Variants in MARCHF1 observed in about 807,000 individuals in gnomAD.
The protein encoded by MARCHF1 is membrane associated ring-CH-type finger 1.
A neutral mutation model predicts 54.2 loss-of-function variants in MARCHF1; 40 were observed. The ratio of observed to expected loss-of-function variants is 0.74; its 90% CI spans 0.57 to 0.96. The LOEUF (loss-of-function observed/expected upper bound fraction) is 0.96, where lower values mean the gene tolerates loss of function less well. Ranked by LOEUF, MARCHF1 falls within the 40% of genes least tolerant of loss-of-function variation. The pLI is 0.00. For missense variants in MARCHF1, 586 were observed against 656.5 expected (o/e 0.89, Z 1.17); for synonymous variants, 236 against 236.3 (o/e 1.00, Z 0.01).
At chr4:164,289,136 A>G (rs535483742) in intron 1 of MARCHF1, among the ~76,000 whole-genome samples, 1 of 152,130 alleles carries the variant, frequency 6.6e-6, no homozygotes, top group African/African-American at 2.4e-5. Flanking sequence ...TCATTAGTTT[A>G]CCATATATAT....
chr4:164,153,467 G>T (rs1027732040), intron 1 of MARCHF1, among the ~76,000 whole-genome samples: 3 of 151,946 alleles, frequency 2.0e-5, no homozygotes, highest in African/African-American at 7.2e-5. Context: ...TTGAAAATTA[G>T]CCAGACTGTC....
At chr4:164,266,691 A>T (rs1377459527) in intron 1 of MARCHF1, among the ~76,000 whole-genome samples, 5 of 152,200 alleles carry the variant, frequency 3.3e-5, no homozygotes, top group African/African-American at 1.2e-4. Context: ...TTTCAGGAGA[A>T]ATCTTGCATA....
intron 1 of MARCHF1, among the ~76,000 whole-genome samples, chr4:164,219,367 G>A (rs1560959271): frequency 6.6e-6 from 1 of 152,030 alleles, no homozygotes; most frequent in Non-Finnish European, 1.5e-5. Context: ...AAGTTCAGAT[G>A]TTATTTTTCA....
intron 7 of MARCHF1, among the ~76,000 whole-genome samples, chr4:163,599,149 C>T (rs962783568): frequency 1.4e-4 from 21 of 152,046 alleles, no homozygotes; most frequent in Admixed American, 3.9e-4. Flanking sequence ...ATTAGCTGGG[C>T]GTGGTGGCGG....
At chr4:164,299,568 C>A (rs1228420828) in intron 1 of MARCHF1, among the ~76,000 whole-genome samples, 2 of 152,140 alleles carry the variant, frequency 1.3e-5, no homozygotes, top group African/African-American at 4.8e-5. Flanking sequence ...CAAATTAAAT[C>A]TGACAAATTT....
At chr4:163,777,027 A>G (rs1052715198) in intron 4 of MARCHF1, among the ~76,000 whole-genome samples, 1 of 152,122 alleles carries the variant, frequency 6.6e-6, no homozygotes. Flanking sequence ...ATAATTTGTA[A>G]TTCATATTTA....
Position 164,323,597 on chromosome 4 carries a change from CAAAAAAAAAAAAAAAA to C in MARCHF1, c.-323+60257_-323+60272del, listed in dbSNP as rs70952622. 7.8e-4 allele frequency among the ~76,000 whole-genome samples: 24 copies of C among 30,946 alleles called. 2 individuals carry two copies. The South Asian group carries it at 0.038, about 49-fold the overall frequency. The allele number at this position is 30,946 out of a possible 152,430, so 20.3% of individuals were successfully genotyped here. A position where few individuals can be genotyped will look rare whatever the true frequency, so the allele number is the denominator to read the frequency against. ...CACTGATTAAGGAGAGGATGAGTAG[CAAAAAAAAAAAAAAAA>C]AAAAAAAAAAGCAGCATGAGTACTG... On this transcript the variant is annotated intron_variant, in intron 1 of 9. Coordinates refer to ENST00000514618, the MANE Select transcript of MARCHF1 (RefSeq NM_001394959.1).
intron 4 of MARCHF1, among the ~76,000 whole-genome samples, chr4:163,730,987 T>G (rs1745811733): frequency 6.6e-6 from 1 of 152,210 alleles, no homozygotes; most frequent in Non-Finnish European, 1.5e-5. Context: ...GGATTAGCTC[T>G]TAGATTTCTC....
chr4:163,556,531 G>A (rs766214634), intron 8 of MARCHF1, among the ~76,000 whole-genome samples: 20 of 146,712 alleles, frequency 1.4e-4, no homozygotes, highest in South Asian at 6.5e-4. Flanking sequence ...TCTGAACATT[G>A]TATTTAATGT....
intron 1 of MARCHF1, among the ~76,000 whole-genome samples, chr4:164,272,341 T>C (rs1399953447): frequency 6.6e-6 from 1 of 152,086 alleles, no homozygotes; most frequent in Admixed American, 6.5e-5. Flanking sequence ...TTGTTTGTTA[T>C]ATCAAAAAAT....
intron 2 of MARCHF1, among the ~76,000 whole-genome samples, chr4:164,099,479 A>C (rs1755489069): frequency 6.6e-6 from 1 of 152,170 alleles, no homozygotes; most frequent in Non-Finnish European, 1.5e-5. Context: ...GTTTGAGATA[A>C]GCTCTATTTC....
chr4:163,911,071 G>T (rs1751179004), intron 3 of MARCHF1, among the ~76,000 whole-genome samples: 1 of 151,998 alleles, frequency 6.6e-6, no homozygotes, highest in African/African-American at 2.4e-5. Context: ...TTTAAATTCT[G>T]TTTTTTTCTT....
At chr4:164,242,598 C>T (rs1226582928) in intron 1 of MARCHF1, among the ~76,000 whole-genome samples, 2 of 152,214 alleles carry the variant, frequency 1.3e-5, no homozygotes, top group African/African-American at 4.8e-5. Flanking sequence ...AATGCAGTTC[C>T]TCACCAGCAA....
intron 4 of MARCHF1, among the ~76,000 whole-genome samples, chr4:163,835,154 T>TA (rs1363784048): frequency 6.6e-6 from 1 of 152,216 alleles, no homozygotes; most frequent in Non-Finnish European, 1.5e-5. Context: ...AGTGCTGAGA[T>TA]AAATGGTATA....
intron 2 of MARCHF1, among the ~76,000 whole-genome samples, chr4:164,070,062 A>G (rs1052562871): frequency 1.6e-4 from 25 of 152,330 alleles, no homozygotes; most frequent in Non-Finnish European, 2.8e-4. Context: ...GGAGCTAAAC[A>G]TGGAGCATAC....
At chr4:163,764,906 T>C (rs1244786740) in intron 4 of MARCHF1, among the ~76,000 whole-genome samples, 2 of 152,102 alleles carry the variant, frequency 1.3e-5, no homozygotes. Context: ...AACACAGCCA[T>C]TACTCAGAAT....
chr4:163,854,070 G>C lies in MARCHF1; in HGVS notation c.62C>G (p.Thr21Arg), dbSNP rs887835484. ...NPHRIPNNTRTPEISGDLADA... is the reference protein window; with the variant it reads ...NPHRIPNNTRRPEISGDLADA... ...AGCCAAATCCCCTGAGATCTCGGGT[G>C]TTCGCGTGTTGTTTGGAATTCTGTG... Residue 21 changes from threonine (T) to arginine (R), a missense_variant, in exon 4 of 10, where the codon ACA becomes AGA. Physicochemically the swap from Thr to Arg is moderately conservative, Grantham distance 71. Transcript: ENST00000514618. 5.2e-6 allele frequency: 8 copies of C among 1,536,828 alleles called. No homozygotes were observed. The East Asian group carries it at 1.5e-4, about 28-fold the overall frequency.
intron 3 of MARCHF1, among the ~76,000 whole-genome samples, chr4:163,900,961 G>T (rs1169887508): frequency 1.3e-5 from 2 of 152,172 alleles, no homozygotes; most frequent in South Asian, 4.1e-4. Context: ...AATGTCAGAT[G>T]TTTATGGCAG....
chr4:164,053,405 T>C (rs1171866357), intron 2 of MARCHF1, among the ~76,000 whole-genome samples: 2 of 152,160 alleles, frequency 1.3e-5, no homozygotes, highest in African/African-American at 4.8e-5. Flanking sequence ...TAAGATGCCA[T>C]GTTTAAACAT....
Sources: allele counts gnomAD v4.1 joint callset (sites outside exome capture counted in the v4.1 genomes callset), GRCh38; gene constraint gnomAD v4.1.1; transcripts MANE v1.5; gene names NCBI Gene and HGNC (gene_info 2026-07-23, HGNC 2026-07-21).